EFNA5: variants seen among roughly 807,000 people sequenced by gnomAD.
EFNA5 encodes ephrin A5.
In EFNA5, 5 loss-of-function variants were observed where a neutral mutation model predicts 22.9. That is an observed-to-expected ratio of 0.22 (90% CI 0.11 to 0.46). The LOEUF (loss-of-function observed/expected upper bound fraction) is 0.46, where lower values mean the gene tolerates loss of function less well. Ranked by LOEUF, EFNA5 falls within the 20% of genes least tolerant of loss-of-function variation. The pLI is 0.99. For missense variants in EFNA5, 237 were observed against 293.3 expected (o/e 0.81, Z 1.40); for synonymous variants, 113 against 112.2 (o/e 1.01, Z -0.04).
intron 1 of EFNA5, among the ~76,000 whole-genome samples, chr5:107,663,074 C>T (rs1004875273): frequency 2.0e-5 from 3 of 151,956 alleles, no homozygotes; most frequent in African/African-American, 7.3e-5. Flanking sequence ...TTAGTAAGTT[C>T]GCAAATAAGA....
At chr5:107,414,112 T>C (rs954578678) in intron 2 of EFNA5, among the ~76,000 whole-genome samples, 3 of 152,202 alleles carry the variant, frequency 2.0e-5, no homozygotes, top group Non-Finnish European at 4.4e-5. Context: ...GAAAAACAGC[T>C]GGAGGGCTTA....
At chr5:107,401,193 C>T (rs958908590) in intron 2 of EFNA5, among the ~76,000 whole-genome samples, 3 of 152,136 alleles carry the variant, frequency 2.0e-5, no homozygotes, top group African/African-American at 7.2e-5. Flanking sequence ...TACCGATGTG[C>T]TACTTAAGTT....
At chr5:107,482,071 A>T (rs975914334) in intron 1 of EFNA5, among the ~76,000 whole-genome samples, 2 of 152,126 alleles carry the variant, frequency 1.3e-5, no homozygotes, top group Non-Finnish European at 2.9e-5. Context: ...GCACTTTGGG[A>T]TGCTGAGGCA....
chr5:107,574,126 G>A (rs1335170194), intron 1 of EFNA5, among the ~76,000 whole-genome samples: 3 of 152,186 alleles, frequency 2.0e-5, no homozygotes, highest in Non-Finnish European at 4.4e-5. Context: ...GGATAAGTAT[G>A]ATAACTATCA....
intron 1 of EFNA5, among the ~76,000 whole-genome samples, chr5:107,571,403 C>CG (rs1187727619): frequency 2.6e-5 from 4 of 151,992 alleles, no homozygotes; most frequent in African/African-American, 4.8e-5. Context: ...GGCTCGCTGT[C>CG]GGGGAAAAAC....
rs114606737 is a variant in EFNA5, at chr5:107,482,178, C to T, written c.126-54669G>A. Among the ~76,000 whole-genome samples the T allele has an allele frequency of 4.7e-3, 712 of 151,874 alleles. 3 individuals are homozygous for T. The highest frequency in any genetic ancestry group is 0.018 in the South Asian group (88 of 4,806). ...AAAATTAGCCAGGTGTGGTAGCATG[C>T]GCCTGTGGTCCCAGTTATTGGAGAG... On this transcript the variant is annotated intron_variant, in intron 1 of 4. Transcript: ENST00000333274.
chr5:107,591,951 A>AATATATAATATATAATATATATT (rs1749356196), intron 1 of EFNA5, among the ~76,000 whole-genome samples: 1 of 12,392 alleles, frequency 8.1e-5, no homozygotes, highest in African/African-American at 7.0e-4. Context: ...TATTATATAT[A>AATATATAATATATAATATATATT]ATATATAATA....
rs539172981 is a variant in EFNA5, at chr5:107,629,744, C to G, written c.125+40745G>C. On this transcript the variant is annotated intron_variant, in intron 1 of 4. Transcript: ENST00000333274. ...GCTTTGAATACAGCCCAACACAAAT[C>G]TGTAAACTTTCTTAAAACATTATGA... 4.6e-5 allele frequency among the ~76,000 whole-genome samples: 7 copies of G among 152,318 alleles called. No individual in the cohort carries two copies. The East Asian group carries it at 5.8e-4, about 13-fold the overall frequency.
chr5:107,659,704 C>T (rs573907100), intron 1 of EFNA5, among the ~76,000 whole-genome samples: 3 of 151,384 alleles, frequency 2.0e-5, no homozygotes, highest in Non-Finnish European at 4.4e-5. Flanking sequence ...TTGCAAAAGA[C>T]GTAATGATAA....
intron 1 of EFNA5, among the ~76,000 whole-genome samples, chr5:107,658,749 A>C (rs1422909853): frequency 6.6e-6 from 1 of 152,154 alleles, no homozygotes; most frequent in African/African-American, 2.4e-5. Context: ...AGCTTGTTAG[A>C]AATGCAGACT....
At chr5:107,462,774 A>G (rs776466795) in intron 1 of EFNA5, among the ~76,000 whole-genome samples, 4 of 152,206 alleles carry the variant, frequency 2.6e-5, no homozygotes, top group Non-Finnish European at 4.4e-5. Flanking sequence ...CAGTGGCCTC[A>G]GCTAAACCAA....
chr5:107,648,932 G>C (rs1199440431), intron 1 of EFNA5, among the ~76,000 whole-genome samples: 8 of 152,116 alleles, frequency 5.3e-5, no homozygotes, highest in Non-Finnish European at 8.8e-5. Flanking sequence ...AAGTTGGAGG[G>C]TTGGGGAGAA....
rs1580476037 is a variant in EFNA5 at position 107,473,881 on chromosome 5, G to C, written c.126-46372C>G. Reference sequence around the variant, plus strand: ...CCACCATGTTATCAAGGATGGTCTTGATCTCCTGACCTCGTGATCCGCCTT... The same window carrying C: ...CCACCATGTTATCAAGGATGGTCTTCATCTCCTGACCTCGTGATCCGCCTT... On this transcript the variant is annotated intron_variant, in intron 1 of 4. Transcript: ENST00000333274. Among the ~76,000 whole-genome samples the C allele has an allele frequency of 2.6e-5, 4 of 152,034 alleles. No homozygotes were observed. In the South Asian group the frequency reaches 8.3e-4, roughly 32 times the overall value.
At chr5:107,386,712 A>G (rs1025067239) in intron 4 of EFNA5, among the ~76,000 whole-genome samples, 1 of 152,190 alleles carries the variant, frequency 6.6e-6, no homozygotes. Context: ...CAATAGCAAA[A>G]ATATTTAAAT....
At chr5:107,560,831 C>T (rs1488245519) in intron 1 of EFNA5, among the ~76,000 whole-genome samples, 3 of 152,166 alleles carry the variant, frequency 2.0e-5, no homozygotes, top group Non-Finnish European at 2.9e-5. Flanking sequence ...TCCCTGAGAT[C>T]AGAATCCCAA....
chr5:107,587,657 C>T (rs1749217839), intron 1 of EFNA5, among the ~76,000 whole-genome samples: 1 of 152,168 alleles, frequency 6.6e-6, no homozygotes, highest in African/African-American at 2.4e-5. Flanking sequence ...GCTGGGACTA[C>T]AGGTGCCCAC....
At chr5:107,556,196 T>C (rs553764411) in intron 1 of EFNA5, among the ~76,000 whole-genome samples, 23 of 152,324 alleles carry the variant, frequency 1.5e-4, no homozygotes, top group Admixed American at 1.2e-3. Context: ...CACAGTTTCC[T>C]ATCCACCTTA....
intron 1 of EFNA5, among the ~76,000 whole-genome samples, chr5:107,610,301 C>G (rs1749801627): frequency 6.6e-6 from 1 of 152,232 alleles, no homozygotes; most frequent in Non-Finnish European, 1.5e-5. Flanking sequence ...TCAGGCATAT[C>G]ATGAGGGGAG....
chr5:107,420,696 T>C (rs1298121521), intron 2 of EFNA5, among the ~76,000 whole-genome samples: 1 of 152,130 alleles, frequency 6.6e-6, no homozygotes, highest in Non-Finnish European at 1.5e-5. Context: ...CCCTGTAATT[T>C]ATCTGCTTTT....
Sources: gnomAD v4.1 joint callset for allele counts (sites outside exome capture counted in the v4.1 genomes callset) on GRCh38, gnomAD v4.1.1 for gene constraint, MANE v1.5 for transcripts, NCBI Gene and HGNC (gene_info 2026-07-23, HGNC 2026-07-21) for gene names.